ADGRL4: variants seen among roughly 807,000 people sequenced by gnomAD.
The protein encoded by ADGRL4 is adhesion G protein-coupled receptor L4, also known as EGF, latrophilin and seven transmembrane domain containing 1.
A neutral mutation model predicts 74.8 loss-of-function variants in ADGRL4; 90 were observed. The ratio of observed to expected loss-of-function variants is 1.20; its 90% confidence interval spans 1.02 to 1.43. ADGRL4 has a LOEUF of 1.43. ADGRL4 is among the 40% of genes most tolerant of loss of function. The pLI is 0.00. For synonymous variants in ADGRL4, 311 were observed against 279.2 expected (o/e 1.11, Z -1.14); for missense variants, 881 against 814.3 (o/e 1.08, Z -1.00).
chr1:78,951,992 G>A (rs1442329375), intron 2 of ADGRL4, among the ~76,000 whole-genome samples: 3 of 151,950 alleles, frequency 2.0e-5, no homozygotes, highest in African/African-American at 7.3e-5. Context: ...AAGCTTATTT[G>A]CTTTATAAGA....
chr1:78,976,864 A>G (rs1650294108), intron 2 of ADGRL4, among the ~76,000 whole-genome samples: 1 of 151,626 alleles, frequency 6.6e-6, no homozygotes, highest in East Asian at 1.9e-4. Flanking sequence ...AGAAAAAAAT[A>G]CTAACTCTAC....
chr1:78,980,736 TTCATCTC>T (rs1288703782), intron 2 of ADGRL4, among the ~76,000 whole-genome samples: 2 of 151,852 alleles, frequency 1.3e-5, no homozygotes, highest in Non-Finnish European at 2.9e-5. Flanking sequence ...GGTCACGAGG[TTCATCTC>T]TCATGTTTAA....
intron 12 of ADGRL4, among the ~76,000 whole-genome samples, chr1:78,910,838 C>A (rs1170769464): frequency 6.6e-6 from 1 of 151,702 alleles, no homozygotes; most frequent in South Asian, 2.1e-4. Context: ...TGTAGTGATT[C>A]ATAGATAGAA....
In ADGRL4 at chr1:78,921,600, A is replaced by G; in HGVS notation, c.1257+13T>C. On this transcript the variant is annotated intron_variant, in intron 9 of 14. Transcript: ENST00000370742. Reference sequence around the variant, plus strand: ...AGCAACATTTATAAATATGAAGGGGAAAATTATCTTACAATGGAAGGACCA... The same window carrying G: ...AGCAACATTTATAAATATGAAGGGGGAAATTATCTTACAATGGAAGGACCA... 1 of 1,392,410 alleles carries G rather than the reference A, an allele frequency of 7.2e-7. No homozygotes were observed. Among genetic ancestry groups the G allele is most frequent in the Non-Finnish European group, 9.4e-7 (1 of 1,059,048 alleles). The allele number at this position is 1,392,410 out of a possible 1,614,324, so 86.3% of individuals were successfully genotyped here.
intron 12 of ADGRL4, among the ~76,000 whole-genome samples, chr1:78,901,011 T>C (rs1648504257): frequency 6.6e-6 from 1 of 152,110 alleles, no homozygotes; most frequent in Admixed American, 6.6e-5. Context: ...TACTAATTTA[T>C]AGAACCTACC....
At chr1:78,969,569 G>C (rs1650128946) in intron 2 of ADGRL4, among the ~76,000 whole-genome samples, 1 of 152,104 alleles carries the variant, frequency 6.6e-6, no homozygotes, top group African/African-American at 2.4e-5. Flanking sequence ...GATTCCTTGT[G>C]GAACAGAGTT....
At chr1:78,963,689 G>C (rs1649999286) in intron 2 of ADGRL4, among the ~76,000 whole-genome samples, 1 of 151,996 alleles carries the variant, frequency 6.6e-6, no homozygotes, top group South Asian at 2.1e-4. Context: ...CATTAGTCTT[G>C]TGACAATTTT....
intron 7 of ADGRL4, among the ~76,000 whole-genome samples, chr1:78,932,627 A>ACC (rs1553135339): frequency 2.9e-5 from 4 of 138,670 alleles, no homozygotes; most frequent in Non-Finnish European, 4.6e-5. Flanking sequence ...AAAAAAAAAA[A>ACC]CAATGAATCC....
chr1:78,964,536 T>G (rs1650017113), intron 2 of ADGRL4, among the ~76,000 whole-genome samples: 1 of 152,286 alleles, frequency 6.6e-6, no homozygotes, highest in South Asian at 2.1e-4. Flanking sequence ...ACTTAAAATG[T>G]TTTTATGTTT....
At chr1:79,005,318 C>T in intron 1 of ADGRL4, 99 bp from the exon 2 acceptor site, 1 of 959,862 alleles carries the variant, frequency 1.0e-6, no homozygotes, top group Non-Finnish European at 1.4e-6. Flanking sequence ...TCCTCTCTTT[C>T]TATTTAGATA....
rs200486750 is a variant in ADGRL4, at chr1:78,907,366, G to A, written c.1749+10268C>T. ...TCATTTCTGAGTAACTTTTCATGGC[G>A]CATCATTCATTTATTCATTCAACAG... is the stretch of plus-strand genomic sequence containing the variant. On this transcript the variant is annotated intron_variant, in intron 12 of 14. Coordinates refer to ENST00000370742, the MANE Select transcript of ADGRL4 (RefSeq NM_022159.4). Among the ~76,000 whole-genome samples the A allele has an allele frequency of 2.0e-4, 31 of 151,934 alleles. No homozygotes were observed. In the East Asian group the frequency reaches 3.9e-3, roughly 19 times the overall value.
At chr1:78,987,419 G>A (rs1316652364) in intron 2 of ADGRL4, among the ~76,000 whole-genome samples, 2 of 151,650 alleles carry the variant, frequency 1.3e-5, no homozygotes, top group South Asian at 2.1e-4. Flanking sequence ...ATAAACAAAT[G>A]TATATACATT....
At chr1:79,005,769 A>G (rs1650949862) in intron 1 of ADGRL4, among the ~76,000 whole-genome samples, 1 of 152,182 alleles carries the variant, frequency 6.6e-6, no homozygotes, top group Admixed American at 6.5e-5. Flanking sequence ...TTCAATTTCA[A>G]TTTCAATTGT....
At chr1:78,937,667 C>T (rs1649382901) in intron 6 of ADGRL4, 140 bp downstream of exon 6, 2 of 703,204 alleles carry the variant, frequency 2.8e-6, no homozygotes, top group South Asian at 3.8e-5. Flanking sequence ...TATGCATCAC[C>T]ATTCATTTGT....
chr1:78,948,235 A>C (rs995054095), intron 2 of ADGRL4, among the ~76,000 whole-genome samples: 2 of 152,138 alleles, frequency 1.3e-5, no homozygotes. Flanking sequence ...CAAGGGAAGA[A>C]CTTTGAGCTT....
At chr1:78,994,629 A>G (rs1326619876) in intron 2 of ADGRL4, among the ~76,000 whole-genome samples, 1 of 152,220 alleles carries the variant, frequency 6.6e-6, no homozygotes, top group Non-Finnish European at 1.5e-5. Flanking sequence ...TACTTTAGAG[A>G]GCATGATTAA....
intron 2 of ADGRL4, among the ~76,000 whole-genome samples, chr1:78,981,485 A>G (rs6678110): frequency 0.95 from 144,596 of 151,924 alleles, 68,895 homozygotes; most frequent in East Asian, 1. Flanking sequence ...CAATAAGAGC[A>G]TCTACCTCAT....
At position 78,997,760 on chromosome 1, in the gene ADGRL4, TA is replaced by T. The variant is rs200276856; in HGVS notation, c.172+7309del. On this transcript the variant is annotated intron_variant, in intron 2 of 14. Coordinates refer to ENST00000370742, the MANE Select transcript of ADGRL4 (RefSeq NM_022159.4). ...TTAAATGACTCTCATATTTATAATT[TA>T]AAAAAAAATGTGATTATCACAGGTA... 1.2e-3 allele frequency among the ~76,000 whole-genome samples: 175 copies of T among 151,582 alleles called. 1 individual carries two copies. Among genetic ancestry groups the T allele is most frequent in the East Asian group, 1.7e-3 (9 of 5,176 alleles).
chr1:78,946,231 A>G lies in ADGRL4; in HGVS notation c.325+43T>C. 3.3e-6 allele frequency: 5 copies of G among 1,538,404 alleles called. 1 individual carries two copies. In the South Asian group the frequency reaches 5.1e-5, roughly 16 times the overall value. ...GTTTAACCTCTGGAGGTAACAAACA[A>G]TAAGAGATATATACAAATTCTAACT... On this transcript the variant is annotated intron_variant, in intron 3 of 14. Transcript: ENST00000370742.
Sources: allele counts gnomAD v4.1 joint callset (sites outside exome capture counted in the v4.1 genomes callset), GRCh38; gene constraint gnomAD v4.1.1; transcripts MANE v1.5; gene names NCBI Gene and HGNC (gene_info 2026-07-23, HGNC 2026-07-21).